Variants in DSCAM observed in about 807,000 individuals in gnomAD.
DSCAM encodes DS cell adhesion molecule.
Under a neutral mutation model 217.7 loss-of-function variants are expected in DSCAM, and 47 were observed. The observed-to-expected ratio is 0.22, with a 90% CI of 0.17 to 0.28. The LOEUF is 0.28. Ranked by LOEUF, DSCAM falls within the 10% of genes least tolerant of loss-of-function variation. The probability of loss-of-function intolerance (pLI) is 1.00; values close to 1 mark genes in which losing one functional copy is unlikely to be tolerated. For synonymous variants in DSCAM, 1,056 were observed against 1,015.3 expected (o/e 1.04, Z -0.76); for missense variants, 2,080 against 2,618.3 (o/e 0.79, Z 4.49).
At position 40,369,404 on chromosome 21, in the gene DSCAM, G is replaced by GTA. The variant is rs542146875; in HGVS notation, c.509-160_509-159insTA. ...CGTCTGCGTGTGTGTGTGTGTGTGT[G>GTA]TGTGTGTGTGTGTGTGTCAATTAAG... On this transcript the variant is annotated intron_variant, in intron 3 of 32. Coordinates refer to ENST00000400454, the MANE Select transcript of DSCAM (RefSeq NM_001389.5). 2.2e-3 allele frequency: 1,246 copies of GTA among 570,996 alleles called. 16 individuals carry two copies. The highest frequency in any genetic ancestry group is 0.021 in the African/African-American group (1,080 of 52,486). 35.4% of individuals were successfully genotyped at this position (570,996 alleles called of 1,614,324 possible).
At chr21:40,507,398 G>A (rs528140215) in intron 3 of DSCAM, among the ~76,000 whole-genome samples, 12 of 152,206 alleles carry the variant, frequency 7.9e-5, no homozygotes, top group Non-Finnish European at 1.2e-4. Flanking sequence ...TTGTCTTACG[G>A]GTAAAAAATA....
At position 40,016,644 on chromosome 21, in the gene DSCAM, C is replaced by T. The variant is rs560165550; in HGVS notation, c.5687-3258G>A. Among the ~76,000 whole-genome samples, 2 of 152,256 alleles carry T rather than the reference C, an allele frequency of 1.3e-5. No homozygotes were observed. Among genetic ancestry groups the T allele is most frequent in the Admixed American group, 6.5e-5 (1 of 15,294 alleles). On this transcript the variant is annotated intron_variant, in intron 32 of 32. Transcript: ENST00000400454. The surrounding 1 kb of genome is among the most constrained non-coding windows in gnomAD (Gnocchi z 4.3). ...CCAGCCCCTTTGGACCCATAGGCCC[C>T]GAAGGTGCAGGCTGAGGGGATCTGA...
intron 20 of DSCAM, among the ~76,000 whole-genome samples, chr21:40,108,328 G>A (rs192946452): frequency 7.2e-5 from 11 of 151,992 alleles, no homozygotes; most frequent in East Asian, 5.8e-4. Flanking sequence ...AGGATAGTGC[G>A]AAAATCACTA....
chr21:40,735,318 G>A (rs1300519634), intron 1 of DSCAM, among the ~76,000 whole-genome samples: 1 of 152,154 alleles, frequency 6.6e-6, no homozygotes, highest in Admixed American at 6.5e-5. Flanking sequence ...GTAGCAAGGA[G>A]GAAATACAAC....
rs530360363 is a variant in DSCAM, at chr21:40,046,838, C to A, written c.5186-2563G>T. Among the ~76,000 whole-genome samples the A allele has an allele frequency of 1.1e-4, 16 of 151,854 alleles. 1 individual carries two copies. The South Asian group carries it at 3.3e-3, about 32-fold the overall frequency. On this transcript the variant is annotated intron_variant, in intron 30 of 32. Coordinates refer to ENST00000400454, the MANE Select transcript of DSCAM (RefSeq NM_001389.5). ...GATACAGTCATTTCCTCCAATCCCCCAAACCTTGACCCTCATTTCTTCTGC... is the reference window on the plus strand; with the variant it reads ...GATACAGTCATTTCCTCCAATCCCCAAAACCTTGACCCTCATTTCTTCTGC...
At chr21:40,231,136 T>G (rs955687830) in intron 11 of DSCAM, among the ~76,000 whole-genome samples, 12 of 151,630 alleles carry the variant, frequency 7.9e-5, no homozygotes, top group Non-Finnish European at 1.6e-4. Context: ...TTTTTTTTTT[T>G]TTTTTTAAAT....
In DSCAM at chr21:40,339,394, G is replaced by A. The variant is rs752439837; in HGVS notation, c.1232C>T (p.Ser411Phe). The A allele has an allele frequency of 1.2e-6, 2 of 1,606,390 alleles. No individual in the cohort carries two copies. Among genetic ancestry groups the A allele is most frequent in the South Asian group, 2.2e-5 (2 of 90,574 alleles). Reference sequence around the variant, plus strand: ...ACTCACCACCTTTTCACTAAAGGCAGAAATAATTTTGGGAGTTCCATCTGC... The same window carrying A: ...ACTCACCACCTTTTCACTAAAGGCAAAAATAATTTTGGGAGTTCCATCTGC... ...VLEDGTPKII[S>F]AFSEKVVSPA... Residue 411 changes from serine to phenylalanine, a missense_variant, in exon 7 of 33, where the codon TCT becomes TTT. Physicochemically the swap from Ser to Phe is radical, Grantham distance 155. Coordinates refer to ENST00000400454, the MANE Select transcript of DSCAM (RefSeq NM_001389.5).
intron 3 of DSCAM, among the ~76,000 whole-genome samples, chr21:40,661,897 A>C (rs955014233): frequency 3.3e-5 from 5 of 152,180 alleles, no homozygotes; most frequent in Non-Finnish European, 7.4e-5. Flanking sequence ...AATAAGTGTA[A>C]ATAATATAGT....
intron 3 of DSCAM, among the ~76,000 whole-genome samples, chr21:40,506,176 G>A (rs2076209009): frequency 6.6e-6 from 1 of 152,224 alleles, no homozygotes; most frequent in Admixed American, 6.5e-5. Flanking sequence ...TCTCAAAGAT[G>A]AATGAGCATC....
At chr21:40,791,401 T>C (rs1298459309) in intron 1 of DSCAM, among the ~76,000 whole-genome samples, 2 of 152,278 alleles carry the variant, frequency 1.3e-5, no homozygotes, top group Admixed American at 1.3e-4. Context: ...ACGCCTGTAA[T>C]CCCAGCACTT....
At chr21:40,047,627 G>A (rs2146488644) in intron 30 of DSCAM, among the ~76,000 whole-genome samples, 1 of 152,332 alleles carries the variant, frequency 6.6e-6, no homozygotes, top group South Asian at 2.1e-4. Flanking sequence ...TGTGATCATG[G>A]TATTAATCTG....
At chr21:40,713,938 A>G (rs1010800031) in intron 1 of DSCAM, among the ~76,000 whole-genome samples, 3 of 152,214 alleles carry the variant, frequency 2.0e-5, no homozygotes, top group Non-Finnish European at 2.9e-5. Flanking sequence ...GCATTGTGAC[A>G]AAGTATTCCT....
chr21:40,460,128 T>G (rs931229588), intron 3 of DSCAM, among the ~76,000 whole-genome samples: 1 of 152,070 alleles, frequency 6.6e-6, no homozygotes, highest in African/African-American at 2.4e-5. Context: ...GGACTGTTGG[T>G]GGCATTGGGG....
intron 3 of DSCAM, among the ~76,000 whole-genome samples, chr21:40,650,644 T>G (rs1812234): frequency 0.41 from 62,377 of 151,970 alleles, 13,156 homozygotes; most frequent in East Asian, 0.61. Context: ...GGCTGGGCAC[T>G]GTGGCTCACG....
intron 3 of DSCAM, among the ~76,000 whole-genome samples, chr21:40,608,811 T>C (rs2089276139): frequency 6.6e-6 from 1 of 152,212 alleles, no homozygotes; most frequent in East Asian, 1.9e-4. Context: ...CAATTTTGGT[T>C]TGAAGTGTAC....
At chr21:40,140,943 G>T (rs945677759) in intron 18 of DSCAM, among the ~76,000 whole-genome samples, 3 of 135,406 alleles carry the variant, frequency 2.2e-5, no homozygotes, top group Non-Finnish European at 5.0e-5. Flanking sequence ...GCGGGGGGGG[G>T]TCCTTCTAGA....
intron 20 of DSCAM, among the ~76,000 whole-genome samples, chr21:40,097,964 AAGAAAGAAAGAAAGAAAGAAAG>A (rs1568939082): frequency 0.053 from 3,805 of 71,258 alleles, 670 homozygotes; most frequent in Non-Finnish European, 0.067. Flanking sequence ...AAAAGAAAGA[AAGAAAGAAAGAAAGAAAGAAAG>A]AAAGAAAGAA....
chr21:40,270,944 T>C (rs1453619336), intron 11 of DSCAM, among the ~76,000 whole-genome samples: 1 of 152,192 alleles, frequency 6.6e-6, no homozygotes, highest in African/African-American at 2.4e-5. Flanking sequence ...CAGGCATAGA[T>C]ACACATGTTT....
intron 18 of DSCAM, among the ~76,000 whole-genome samples, chr21:40,139,437 C>G: frequency 1.3e-5 from 2 of 152,084 alleles, no homozygotes; most frequent in Middle Eastern, 6.8e-3. Context: ...AGGGGACTTA[C>G]AGGTCACAGG....
Sources: gnomAD v4.1 joint callset for allele counts (sites outside exome capture counted in the v4.1 genomes callset) on GRCh38, gnomAD v4.1.1 for gene constraint, Gnocchi (gnomAD v3.1) non-coding constraint, MANE v1.5 for transcripts, NCBI Gene and HGNC (gene_info 2026-07-23, HGNC 2026-07-21) for gene names.